Variants in FMO2 observed in about 807,000 individuals in gnomAD.
FMO2 encodes flavin-containing monooxygenase 2.
FMO2 carries 33 observed loss-of-function variants against 41.6 expected under a neutral mutation model. The ratio of observed to expected loss-of-function variants is 0.79; its 90% CI spans 0.60 to 1.06. FMO2 has a LOEUF of 1.06. FMO2 is among the 50% of genes least tolerant of loss of function. FMO2 has a pLI of 0.00. For missense variants in FMO2, 619 were observed against 632.9 expected, an observed-to-expected ratio of 0.98 and a Z score of 0.23; for synonymous variants, 214 against 219.6, an observed-to-expected ratio of 0.97 and a Z score of 0.23.
At chr1:171,194,283 T>C (rs1404617257) in intron 3 of FMO2, among the ~76,000 whole-genome samples, 3 of 152,354 alleles carry the variant, frequency 2.0e-5, no homozygotes, top group Middle Eastern at 3.4e-3. Context: ...TATCATTTTT[T>C]TCTGAATGCA....
rs1161317315 is a variant in FMO2, at chr1:171,211,024, T to A, written c.*1879T>A. 6.6e-5 allele frequency: 10 copies of A among 152,226 alleles called. No individual in the cohort carries two copies. The highest frequency in any genetic ancestry group is 2.9e-5 in the Non-Finnish European group (2 of 68,036). The allele number at this position is 152,226 out of a possible 1,614,324, so 9.4% of individuals were successfully genotyped here. On this transcript the variant is annotated 3_prime_UTR_variant, in exon 9 of 9. Transcript: ENST00000209929. ...ATTGCTCCCATAAGCAAATTTGTTT[T>A]AAAATAATTGTAAATGAGGTATATA...
At chr1:171,191,872 A>C (rs1327179184) in intron 2 of FMO2, among the ~76,000 whole-genome samples, 1 of 151,140 alleles carries the variant, frequency 6.6e-6, no homozygotes, top group Non-Finnish European at 1.5e-5. Context: ...AAAAAAAAAA[A>C]AAAAAAAATA....
At position 171,205,428 on chromosome 1, in the gene FMO2, T is replaced by A; in HGVS notation, c.977T>A (p.Ile326Asn). 1 of 1,613,948 alleles carries A rather than the reference T, an allele frequency of 6.2e-7. No individual in the cohort carries two copies. Among genetic ancestry groups the A allele is most frequent in the Non-Finnish European group, 8.5e-7 (1 of 1,179,898 alleles). The change falls in exon 7 of 9, where the codon ATT becomes AAT. Residue 326 changes from isoleucine (I) to asparagine (N), a missense_variant. Transcript: ENST00000209929. ...GTGGAGGAGAACATTGATGTCATCA[T>A]TTTTGCAACAGGATATAGTTTCTCT... ...GTVEENIDVI[I>N]FATGYSFSFP...
In FMO2 at chr1:171,209,368, C is replaced by A. The variant is rs1267794387; in HGVS notation, c.*223C>A. 4.9e-5 allele frequency: 18 copies of A among 364,366 alleles called. No individual in the cohort carries two copies. 22.6% of individuals were successfully genotyped at this position (364,366 alleles called of 1,614,324 possible). Reference sequence around the variant, plus strand: ...CCTTTCCACGCTTCCCTCAGTTCACCAAAGTTACCAAAATGTAAAATAAAA... The same window carrying A: ...CCTTTCCACGCTTCCCTCAGTTCACAAAAGTTACCAAAATGTAAAATAAAA... On this transcript the variant is annotated 3_prime_UTR_variant, in exon 9 of 9. Transcript: ENST00000209929.
chr1:171,200,866 C>T (rs1296999827), intron 5 of FMO2, among the ~76,000 whole-genome samples: 7 of 152,114 alleles, frequency 4.6e-5, no homozygotes, highest in Non-Finnish European at 7.4e-5. Context: ...TAGGAATACC[C>T]GCAAAGCCTT....
At chr1:171,186,588 A>C (rs1054715227) in intron 2 of FMO2, among the ~76,000 whole-genome samples, 1 of 152,142 alleles carries the variant, frequency 6.6e-6, no homozygotes, top group African/African-American at 2.4e-5. Context: ...CGCACTCACT[A>C]TCATGAGAAC....
intron 2 of FMO2, among the ~76,000 whole-genome samples, chr1:171,192,765 C>CAAAAAAAA (rs71561558): frequency 9.0e-6 from 1 of 111,552 alleles, no homozygotes; most frequent in Non-Finnish European, 2.0e-5. Flanking sequence ...GACTCTGTCT[C>CAAAAAAAA]AAAAAAAAAA....
intron 2 of FMO2, among the ~76,000 whole-genome samples, chr1:171,190,835 A>G (rs1480934586): frequency 6.6e-6 from 1 of 152,200 alleles, no homozygotes; most frequent in East Asian, 1.9e-4. Flanking sequence ...CTATTTACCA[A>G]TTAACCCAAC....
At chr1:171,203,273 T>C (rs28369891) in intron 5 of FMO2, among the ~76,000 whole-genome samples, 14,608 of 151,440 alleles carry the variant, frequency 0.096, 910 homozygotes, top group East Asian at 0.25. Context: ...TGCAATGAGC[T>C]ATGACTGCAC....
chr1:171,203,058 A>T (rs1658597900), intron 5 of FMO2, among the ~76,000 whole-genome samples: 2 of 152,170 alleles, frequency 1.3e-5, no homozygotes, highest in Non-Finnish European at 2.9e-5. Flanking sequence ...CTTTTAAAAT[A>T]CATTACAAGC....
chr1:171,205,590 C>G lies in FMO2; in HGVS notation c.1139C>G (p.Pro380Arg). 6.2e-7 allele frequency: 1 copy of G among 1,613,000 alleles called. No individual in the cohort carries two copies. Among genetic ancestry groups the G allele is most frequent in the Non-Finnish European group, 8.5e-7 (1 of 1,179,522 alleles). ...GLIQPLGSIF[P>R]TAELQARWVT... The stretch of plus-strand genomic sequence containing the variant: ...ATCCAGCCCCTAGGTTCCATTTTCC[C>G]AACTGCTGAACTTCAAGCTCGTTGG... Residue 380 changes from proline to arginine, a missense_variant, in exon 7 of 9, where the codon CCA (proline) becomes CGA (arginine). By Grantham distance (103) the Pro-to-Arg change is moderately radical (BLOSUM62 -2). Transcript: ENST00000209929.
chr1:171,198,449 A>C (rs1309178529), intron 4 of FMO2, among the ~76,000 whole-genome samples: 2 of 149,936 alleles, frequency 1.3e-5, no homozygotes, highest in African/African-American at 2.5e-5. Flanking sequence ...ACTGTCACCC[A>C]GACTGGAGTG....
Position 171,199,412 on chromosome 1 carries a change from G to GA in FMO2, c.555dup (p.Arg186ThrfsTer17), listed in dbSNP as rs762992686. 5 of 1,612,526 alleles carry GA rather than the reference G, an allele frequency of 3.1e-6. No individual in the cohort carries two copies. The African/African-American group carries it at 6.7e-5, about 22-fold the overall frequency. ...TACAAGCATCCAGATGGATTTGAGG[G>GA]AAAACGCATCCTGGTGATTGGAATG... On this transcript the variant is annotated frameshift_variant, in exon 5 of 9. Coordinates refer to ENST00000209929, the MANE Select transcript of FMO2 (RefSeq NM_001460.5). LOFTEE classifies it high-confidence loss of function.
chr1:171,192,765 CAAAAAAAAAAAAAA>C (rs71561558), intron 2 of FMO2, among the ~76,000 whole-genome samples: 2 of 111,562 alleles, frequency 1.8e-5, no homozygotes, highest in South Asian at 5.7e-4. Context: ...GACTCTGTCT[CAAAAAAAAAAAAAA>C]AAAAAAAAGA....
chr1:171,204,921 A>G (rs531290830), intron 6 of FMO2, among the ~76,000 whole-genome samples: 2 of 152,342 alleles, frequency 1.3e-5, no homozygotes, highest in African/African-American at 4.8e-5. Flanking sequence ...CAGCAAAATA[A>G]TAAAAGCTAG....
chr1:171,207,842 T>C (rs1658828887), intron 8 of FMO2, 52 bp downstream of exon 8: 3 of 1,180,192 alleles, frequency 2.5e-6, no homozygotes, highest in Non-Finnish European at 3.8e-6. Context: ...CAAAGTACAG[T>C]GATCTAACTA....
At chr1:171,206,861 G>A (rs1217692978) in intron 7 of FMO2, among the ~76,000 whole-genome samples, 1 of 152,152 alleles carries the variant, frequency 6.6e-6, no homozygotes, top group Non-Finnish European at 1.5e-5. Flanking sequence ...GATACAAAGT[G>A]GAAAGGAAGC....
intron 3 of FMO2, among the ~76,000 whole-genome samples, chr1:171,196,138 G>C (rs1294830350): frequency 6.6e-6 from 1 of 152,334 alleles, no homozygotes; most frequent in East Asian, 1.9e-4. Context: ...TAATGAGAAT[G>C]TACATGCCAT....
Position 171,193,313 on chromosome 1 carries a change from ATTATT to A in FMO2, c.133-15_133-11del. The A allele has an allele frequency of 6.4e-7, 1 of 1,564,944 alleles. No individual in the cohort carries two copies. Among genetic ancestry groups the A allele is most frequent in the Non-Finnish European group, 8.7e-7 (1 of 1,154,164 alleles). Reference sequence around the variant, plus strand: ...ATTTTTGAATGCGTAATTATCACTAATTATTTTATTTGATCCTTCAGGAGAATGTG... The same window carrying A: ...ATTTTTGAATGCGTAATTATCACTAATTATTTGATCCTTCAGGAGAATGTG... On this transcript the variant is annotated splice_polypyrimidine_tract_variant and intron_variant, in intron 2 of 8. Transcript: ENST00000209929.
Sources: allele counts gnomAD v4.1 joint callset (sites outside exome capture counted in the v4.1 genomes callset), GRCh38; gene constraint gnomAD v4.1.1; transcripts MANE v1.5; gene names NCBI Gene and HGNC (gene_info 2026-07-23, HGNC 2026-07-21).